Variants in ESR1 observed in about 807,000 individuals in gnomAD.
ESR1 encodes the protein estrogen receptor.
ESR1 carries 12 observed loss-of-function variants against 52.7 expected under a neutral mutation model. The ratio of observed to expected loss-of-function variants is 0.23; its 90% CI spans 0.15 to 0.37. The LOEUF (loss-of-function observed/expected upper bound fraction) is 0.37, where lower values mean the gene tolerates loss of function less well. Among genes scored for constraint, ESR1 ranks in the 10% least tolerant of loss-of-function variants. The probability of loss-of-function intolerance (pLI) is 1.00; values close to 1 mark genes in which losing one functional copy is unlikely to be tolerated. For missense variants in ESR1, 584 were observed against 779.7 expected, an observed-to-expected ratio of 0.75 and a Z score of 2.99; for synonymous variants, 305 against 316.8, an observed-to-expected ratio of 0.96 and a Z score of 0.39.
chr6:151,969,832 A>C (rs935866994), intron 4 of ESR1, among the ~76,000 whole-genome samples: 2 of 151,330 alleles, frequency 1.3e-5, no homozygotes. Flanking sequence ...TCCTAATCCT[A>C]TTCTGTGCTT....
At chr6:151,852,934 G>T (rs933292659) in intron 2 of ESR1, among the ~76,000 whole-genome samples, 6 of 151,832 alleles carry the variant, frequency 4.0e-5, no homozygotes, top group African/African-American at 1.2e-4. Flanking sequence ...AGCACTTTGG[G>T]AGGCTGAGGC....
chr6:151,934,564 C>G lies in ESR1; in HGVS notation c.761-9609C>G, dbSNP rs148138908. ...TAACCATTCTCAACCAGTTGTAGTA[C>G]CTTTAAAAAATCATGATGAAGATGA... On this transcript the variant is annotated intron_variant, in intron 3 of 7. Transcript: ENST00000206249. 3.6e-3 allele frequency among the ~76,000 whole-genome samples: 547 copies of G among 152,166 alleles called. 4 individuals carry two copies. The highest frequency in any genetic ancestry group is 0.013 in the African/African-American group (521 of 41,510).
At chr6:151,808,501 G>C (rs1778250107) in intron 1 of ESR1, 137 bp downstream of exon 1, 4 of 700,518 alleles carry the variant, frequency 5.7e-6, no homozygotes, top group Non-Finnish European at 8.3e-6. Flanking sequence ...CAGGGAGCCC[G>C]GGGCGCGCGG....
intron 6 of ESR1, among the ~76,000 whole-genome samples, chr6:152,118,598 G>A (rs1462802632): frequency 2.0e-5 from 3 of 151,000 alleles, no homozygotes; most frequent in South Asian, 2.1e-4. Context: ...GGGCCTGTCA[G>A]GGGGGTAGGA....
At chr6:151,698,584 G>A (rs1443649791) in intron 1 of ESR1, among the ~76,000 whole-genome samples, 3 of 152,150 alleles carry the variant, frequency 2.0e-5, no homozygotes, top group Non-Finnish European at 4.4e-5. Flanking sequence ...TGGGTAGAGG[G>A]AAGGAGGACG....
chr6:151,883,042 G>A (rs772697795), intron 3 of ESR1, among the ~76,000 whole-genome samples: 2 of 151,910 alleles, frequency 1.3e-5, no homozygotes, highest in Non-Finnish European at 2.9e-5. Context: ...CTTAAACAAC[G>A]GAAATTAATT....
intron 4 of ESR1, among the ~76,000 whole-genome samples, chr6:151,992,358 T>A (rs1430479321): frequency 1.3e-5 from 2 of 152,162 alleles, no homozygotes; most frequent in Non-Finnish European, 2.9e-5. Context: ...TCCCATCTAC[T>A]TTCTCTTTCT....
intron 2 of ESR1, among the ~76,000 whole-genome samples, chr6:151,723,233 G>C (rs995678596): frequency 3.9e-5 from 6 of 152,052 alleles, no homozygotes; most frequent in Non-Finnish European, 4.4e-5. Context: ...GGGGTGGGAG[G>C]GGAAGAGGGA....
chr6:152,099,134 ATCT>A lies in ESR1; in HGVS notation c.*172_*174del, dbSNP rs2152507754. On this transcript the variant is annotated 3_prime_UTR_variant, in exon 8 of 8. Transcript: ENST00000206249. ...TTGCTTGCTCAGTTCTTAGTGGCAC[ATCT>A]TCTGTCTTCTGTTGGGAACAGCCAA... 3 of 653,504 alleles carry A rather than the reference ATCT, an allele frequency of 4.6e-6. No homozygotes were observed. Among genetic ancestry groups the A allele is most frequent in the Non-Finnish European group, 8.3e-6 (3 of 360,256 alleles). 40.5% of individuals were successfully genotyped at this position (653,504 alleles called of 1,614,324 possible). A position where few individuals can be genotyped will look rare whatever the true frequency, so the allele number is the denominator to read the frequency against.
intron 3 of ESR1, among the ~76,000 whole-genome samples, chr6:151,936,870 G>A (rs780034972): frequency 6.6e-6 from 1 of 152,034 alleles, no homozygotes; most frequent in Non-Finnish European, 1.5e-5. Flanking sequence ...CAAATGAATG[G>A]CACAGGAAAG....
At chr6:151,816,423 C>T (rs536068324) in intron 1 of ESR1, among the ~76,000 whole-genome samples, 1 of 152,266 alleles carries the variant, frequency 6.6e-6, no homozygotes, top group African/African-American at 2.4e-5. Context: ...AAAGCTACAT[C>T]GTTTGGATGA....
chr6:151,878,033 T>A (rs564307445), intron 2 of ESR1, among the ~76,000 whole-genome samples: 21 of 152,228 alleles, frequency 1.4e-4, no homozygotes, highest in Non-Finnish European at 2.4e-4. Context: ...CAGGCTGGTC[T>A]AAAACTCCTG....
At chr6:151,780,144 A>G (rs1786408945) in intron 2 of ESR1, among the ~76,000 whole-genome samples, 1 of 151,976 alleles carries the variant, frequency 6.6e-6, no homozygotes, top group South Asian at 2.1e-4. Context: ...GGTGAGTTCC[A>G]CAAGTTCTAT....
intron 2 of ESR1, among the ~76,000 whole-genome samples, chr6:151,705,663 C>A (rs565072991): frequency 6.6e-6 from 1 of 152,296 alleles, no homozygotes; most frequent in Admixed American, 6.5e-5. Context: ...CTTACAGGTA[C>A]CTATCTGCTG....
intron 5 of ESR1, among the ~76,000 whole-genome samples, chr6:152,022,229 G>A (rs554452852): frequency 6.6e-6 from 1 of 152,280 alleles, no homozygotes; most frequent in Non-Finnish European, 1.5e-5. Flanking sequence ...AATTCAGAGT[G>A]TGTGTGACTT....
At chr6:151,871,316 G>A (rs1790921216) in intron 2 of ESR1, among the ~76,000 whole-genome samples, 1 of 152,082 alleles carries the variant, frequency 6.6e-6, no homozygotes, top group Non-Finnish European at 1.5e-5. Flanking sequence ...ATTTTTAAGT[G>A]TACGGTTCAG....
At chr6:151,899,341 G>T (rs1796181750) in intron 3 of ESR1, among the ~76,000 whole-genome samples, 1 of 123,802 alleles carries the variant, frequency 8.1e-6, no homozygotes. Flanking sequence ...CGGCTGGCCA[G>T]GCGGGGGGCT....
At chr6:151,765,203 C>A (rs1784954024) in intron 2 of ESR1, among the ~76,000 whole-genome samples, 1 of 152,018 alleles carries the variant, frequency 6.6e-6, no homozygotes, top group Non-Finnish European at 1.5e-5. Flanking sequence ...TTATAGCACA[C>A]GCAATTCAGA....
chr6:151,751,009 G>C (rs1486741439), intron 2 of ESR1, among the ~76,000 whole-genome samples: 3 of 152,250 alleles, frequency 2.0e-5, no homozygotes, highest in Non-Finnish European at 2.9e-5. Context: ...AATAGCGTAA[G>C]AGTCTGAGTA....
Sources: gnomAD v4.1 joint callset for allele counts (sites outside exome capture counted in the v4.1 genomes callset) on GRCh38, gnomAD v4.1.1 for gene constraint, MANE v1.5 for transcripts, NCBI Gene and HGNC (gene_info 2026-07-23, HGNC 2026-07-21) for gene names.